The following NUGGC variants were observed in gnomAD, a reference collection of about 807,000 sequenced individuals.
NUGGC encodes the protein nuclear GTPase SLIP-GC.
In NUGGC, 58 loss-of-function variants were observed where a neutral mutation model predicts 92.6. That is an observed-to-expected ratio of 0.63 (90% CI 0.51 to 0.78). The LOEUF (loss-of-function observed/expected upper bound fraction) is 0.78, where lower values mean the gene tolerates loss of function less well. NUGGC is among the 30% of genes least tolerant of loss of function. The pLI, the probability that NUGGC is intolerant of heterozygous loss-of-function variation, is 0.00. For missense variants in NUGGC, 925 were observed against 964.6 expected (o/e 0.96, Z 0.54); for synonymous variants, 376 against 366.4 (o/e 1.03, Z -0.30).
chr8:28,034,864 T>A lies in NUGGC; in HGVS notation c.1612-1167A>T, dbSNP rs148955250. Among the ~76,000 whole-genome samples the A allele has an allele frequency of 3.4e-3, 511 of 152,294 alleles. 4 individuals carry two copies. The highest frequency in any genetic ancestry group is 0.012 in the African/African-American group (479 of 41,558). The stretch of plus-strand genomic sequence containing the variant: ...GTACTAATAACCATTTAATATAGTA[T>A]CATATGGATGAAAAATAATTCATTT... On this transcript the variant is annotated intron_variant, in intron 13 of 18. Transcript: ENST00000413272.
intron 2 of NUGGC, among the ~76,000 whole-genome samples, chr8:28,072,396 C>G (rs1020739127): frequency 1.3e-5 from 2 of 152,124 alleles, no homozygotes; most frequent in African/African-American, 4.8e-5. Flanking sequence ...AATCTGTGCT[C>G]GAAAAAGCAT....
intron 12 of NUGGC, among the ~76,000 whole-genome samples, chr8:28,041,724 A>G (rs1275016035): frequency 1.3e-5 from 2 of 152,200 alleles, no homozygotes; most frequent in African/African-American, 4.8e-5. Flanking sequence ...TCCTCAAGTA[A>G]TGCTGGTCTT....
chr8:28,051,188 CAT>C (rs1809992376), intron 10 of NUGGC, among the ~76,000 whole-genome samples: 2 of 152,060 alleles, frequency 1.3e-5, no homozygotes, highest in Admixed American at 6.6e-5. Context: ...GTAGTTGTTC[CAT>C]ATCTTGGGGC....
intron 1 of NUGGC, among the ~76,000 whole-genome samples, chr8:28,079,452 A>G (rs1290255684): frequency 3.3e-5 from 5 of 152,116 alleles, no homozygotes; most frequent in African/African-American, 9.7e-5. Context: ...ATGCAGGAGA[A>G]TTGCTTGAAC....
chr8:28,040,654 G>GT (rs1283170099), intron 13 of NUGGC, among the ~76,000 whole-genome samples: 426 of 143,758 alleles, frequency 3.0e-3, no homozygotes, highest in Non-Finnish European at 4.8e-3. Flanking sequence ...TTTTGTTCTT[G>GT]TTTTTTTTTT....
intron 4 of NUGGC, among the ~76,000 whole-genome samples, chr8:28,069,230 C>G (rs1031251993): frequency 5.9e-5 from 9 of 152,188 alleles, no homozygotes; most frequent in Admixed American, 1.3e-4. Context: ...CTCTCACTGA[C>G]TACTGGTGTG....
chr8:28,079,700 T>C (rs1810801841), intron 1 of NUGGC, among the ~76,000 whole-genome samples: 2 of 152,160 alleles, frequency 1.3e-5, no homozygotes, highest in Admixed American at 6.5e-5. Context: ...TTCAGCAGCC[T>C]CTAATAGGCA....
At chr8:28,076,734 T>A (rs1901745) in intron 1 of NUGGC, among the ~76,000 whole-genome samples, 105,757 of 152,058 alleles carry the variant, frequency 0.7, 37,822 homozygotes, top group Non-Finnish European at 0.77. Context: ...TGATGTGAGG[T>A]AGGGAAGACA....
chr8:28,047,578 G>T lies in NUGGC; in HGVS notation c.1241C>A (p.Ala414Asp). ...GCTGACTGTATACACCAGATCTGAG[G>T]CTTCCAGAACCTTGAAGTCAGCTGG... ...KLPADFKVLE[A>D]SDLVYTVSAQ... Residue 414 changes from alanine (A) to aspartate (D), a missense_variant, in exon 11 of 19, where the codon GCC (alanine) becomes GAC (aspartate). By Grantham distance (126) the Ala-to-Asp change is moderately radical (BLOSUM62 -2). Transcript: ENST00000413272. 6.4e-7 allele frequency: 1 copy of T among 1,567,706 alleles called. No individual in the cohort carries two copies. Among genetic ancestry groups the T allele is most frequent in the Non-Finnish European group, 8.7e-7 (1 of 1,155,120 alleles).
intron 12 of NUGGC, among the ~76,000 whole-genome samples, chr8:28,043,014 G>C (rs570300583): frequency 6.6e-6 from 1 of 152,130 alleles, no homozygotes; most frequent in Non-Finnish European, 1.5e-5. Context: ...GGTGCACCCC[G>C]GGAATTTCCC....
At chr8:28,031,180 A>C (rs1809408321) in intron 15 of NUGGC, 63 bp downstream of exon 15, 1 of 1,592,150 alleles carries the variant, frequency 6.3e-7, no homozygotes, top group African/African-American at 1.3e-5. Flanking sequence ...CAACCTACAA[A>C]ACTGGCCTGG....
At position 28,047,577 on chromosome 8, in the gene NUGGC, G is replaced by A; in HGVS notation, c.1242C>T (p.Ala414=). ...CGCTGACTGTATACACCAGATCTGA[G>A]GCTTCCAGAACCTTGAAGTCAGCTG... ...KLPADFKVLE[A]SDLVYTVSAQ... Residue 414 remains alanine, a synonymous_variant, in exon 11 of 19, where the codon GCC becomes GCT. Transcript: ENST00000413272. The A allele has an allele frequency of 6.4e-7, 1 of 1,568,106 alleles. No individual in the cohort carries two copies. Among genetic ancestry groups the A allele is most frequent in the East Asian group, 2.3e-5 (1 of 42,568 alleles).
rs768384856 is a variant in NUGGC, at chr8:28,033,630, G to T, written c.1679C>A (p.Ala560Asp). 2 of 1,613,754 alleles carry T rather than the reference G, an allele frequency of 1.2e-6. No homozygotes were observed. The highest frequency in any genetic ancestry group is 1.7e-6 in the Non-Finnish European group (2 of 1,179,766). ...KAVCLKNGIY[A>D]SRTLARIDLN... ...ATCAATTCTCGCCAGAGTCCTGGAGGCATAGATGCCATTTTTCAGGCAAAC... is the reference window on the plus strand; with the variant it reads ...ATCAATTCTCGCCAGAGTCCTGGAGTCATAGATGCCATTTTTCAGGCAAAC... The change falls in exon 14 of 19, where the codon GCC becomes GAC. Residue 560 changes from alanine (A) to aspartate (D), a missense_variant. By Grantham distance (126) the Ala-to-Asp change is moderately radical (BLOSUM62 -2). Coordinates refer to ENST00000413272, the MANE Select transcript of NUGGC (RefSeq NM_001010906.2).
At chr8:28,026,762 T>TTCATCATCATCA (rs35745694) in intron 18 of NUGGC, among the ~76,000 whole-genome samples, 200 bp downstream of exon 18, 3 of 150,642 alleles carry the variant, frequency 2.0e-5, no homozygotes, top group African/African-American at 7.3e-5. Context: ...GGCTGTTGTT[T>TTCATCATCATCA]TCATCATCAT....
intron 18 of NUGGC, among the ~76,000 whole-genome samples, chr8:28,026,560 T>C (rs754226058): frequency 7.2e-5 from 11 of 152,202 alleles, no homozygotes; most frequent in Non-Finnish European, 1.2e-4. Context: ...AGGGCAGAGC[T>C]GTGGATTTAA....
At chr8:28,035,203 T>G (rs957217167) in intron 13 of NUGGC, among the ~76,000 whole-genome samples, 2 of 152,218 alleles carry the variant, frequency 1.3e-5, no homozygotes, top group Non-Finnish European at 2.9e-5. Context: ...CTCATTCACT[T>G]TCTGTGATCT....
chr8:28,058,806 G>A (rs745352540), intron 8 of NUGGC, among the ~76,000 whole-genome samples: 14 of 151,872 alleles, frequency 9.2e-5, no homozygotes, highest in South Asian at 2.1e-4. Context: ...AGGTCCAAGC[G>A]ATTCCCCTGC....
chr8:28,032,947 G>T (rs1210972670), intron 14 of NUGGC, among the ~76,000 whole-genome samples: 1 of 151,972 alleles, frequency 6.6e-6, no homozygotes, highest in Non-Finnish European at 1.5e-5. Flanking sequence ...ATCATTTAAG[G>T]TCAGGATTTC....
At chr8:28,075,806 T>C (rs577729200) in intron 1 of NUGGC, among the ~76,000 whole-genome samples, 70 of 152,336 alleles carry the variant, frequency 4.6e-4, no homozygotes, top group Non-Finnish European at 6.2e-4. Context: ...TGAGAACCCC[T>C]ATTAAGTGCA....
Sources: allele counts gnomAD v4.1 joint callset (sites outside exome capture counted in the v4.1 genomes callset), GRCh38; gene constraint gnomAD v4.1.1; transcripts MANE v1.5; gene names NCBI Gene and HGNC (gene_info 2026-07-23, HGNC 2026-07-21).